GDAP1: variants seen among roughly 807,000 people sequenced by gnomAD.
The protein encoded by GDAP1 is ganglioside induced differentiation associated protein 1.
GDAP1 carries 34 observed loss-of-function variants against 40.1 expected under a neutral mutation model. That is an observed-to-expected ratio of 0.85 (90% CI 0.64 to 1.13). The LOEUF is 1.13. Ranked by LOEUF, GDAP1 falls within the 50% of genes most tolerant of loss-of-function variation. The pLI, the probability that GDAP1 is intolerant of heterozygous loss-of-function variation, is 0.00. For missense variants in GDAP1, 374 were observed against 433.7 expected (o/e 0.86, Z 1.22); for synonymous variants, 170 against 157.4 (o/e 1.08, Z -0.60).
chr8:74,478,021 C>T (rs1806653669), intron 2 of GDAP1, among the ~76,000 whole-genome samples: 1 of 151,386 alleles, frequency 6.6e-6, no homozygotes, highest in African/African-American at 2.4e-5. Flanking sequence ...GAGTCAGTGG[C>T]AGTGACTGTT....
At chr8:74,420,969 C>G (rs1805849998) in intron 2 of GDAP1, among the ~76,000 whole-genome samples, 1 of 152,054 alleles carries the variant, frequency 6.6e-6, no homozygotes, top group African/African-American at 2.4e-5. Flanking sequence ...AAACTCTTCT[C>G]TTTCCTCATC....
chr8:74,478,207 C>T (rs897299703), intron 2 of GDAP1, among the ~76,000 whole-genome samples: 1 of 152,058 alleles, frequency 6.6e-6, no homozygotes, highest in Non-Finnish European at 1.5e-5. Context: ...GGGAGAGGGG[C>T]AGAGTGCCCT....
In GDAP1 at chr8:74,399,035, CT is replaced by C. The variant is rs1341582559; in HGVS notation, c.165+47717del. Among the ~76,000 whole-genome samples, 7 of 151,924 alleles carry C rather than the reference CT, an allele frequency of 4.6e-5. No homozygotes were observed. In the East Asian group the frequency reaches 1.4e-3, roughly 29 times the overall value. ...CTTTTTTGGTTGTGTCTCTGCCCGG[CT>C]TTGGTGTCAGGATGATACTGGCCTC... On this transcript the variant is annotated intron_variant, in intron 2 of 2. Coordinates refer to the GDAP1 transcript ENST00000523640.
At chr8:74,382,640 A>G (rs1398623645) in intron 2 of GDAP1, among the ~76,000 whole-genome samples, 1 of 152,144 alleles carries the variant, frequency 6.6e-6, no homozygotes, top group Non-Finnish European at 1.5e-5. Context: ...TTAAATGATT[A>G]TACTGAATAC....
chr8:74,385,668 A>ATATATAATC (rs1179210182), intron 2 of GDAP1, among the ~76,000 whole-genome samples: 1 of 152,164 alleles, frequency 6.6e-6, no homozygotes, highest in African/African-American at 2.4e-5. Flanking sequence ...TAGTAGAATG[A>ATATATAATC]TATATAATCT....
At chr8:74,437,265 A>G (rs1806104527) in intron 2 of GDAP1, among the ~76,000 whole-genome samples, 1 of 152,194 alleles carries the variant, frequency 6.6e-6, no homozygotes, top group Non-Finnish European at 1.5e-5. Context: ...TAACTCTCCC[A>G]TTATACAGAT....
intron 2 of GDAP1, among the ~76,000 whole-genome samples, chr8:74,437,842 T>C (rs145873945): frequency 1.4e-3 from 214 of 152,324 alleles, no homozygotes; most frequent in African/African-American, 5.1e-3. Context: ...TATACTCGAA[T>C]ATATCTAATC....
intron 2 of GDAP1, among the ~76,000 whole-genome samples, chr8:74,462,800 G>T (rs1388682153): frequency 2.0e-5 from 3 of 151,944 alleles, no homozygotes; most frequent in Non-Finnish European, 4.4e-5. Flanking sequence ...GATTTCAAAA[G>T]ATATGCCAGC....
intron 2 of GDAP1, among the ~76,000 whole-genome samples, chr8:74,438,838 G>A (rs1329981993): frequency 1.3e-5 from 2 of 152,172 alleles, no homozygotes. Flanking sequence ...CTGGCCTCAA[G>A]TAATGCTCTT....
In GDAP1 at chr8:74,406,665, T is replaced by C. The variant is rs1039777949; in HGVS notation, c.165+55344T>C. 2.7e-5 allele frequency among the ~76,000 whole-genome samples: 4 copies of C among 150,206 alleles called. No homozygotes were observed. The South Asian group carries it at 8.3e-4, about 31-fold the overall frequency. ...CTGATGGGGGATATCATGTTGTCTC[T>C]CTCCCACTTATTTTTCTACTTGGTG... On this transcript the variant is annotated intron_variant, in intron 2 of 2. Transcript: ENST00000523640.
chr8:74,381,157 T>A (rs1474112216), intron 2 of GDAP1, among the ~76,000 whole-genome samples: 1 of 152,094 alleles, frequency 6.6e-6, no homozygotes, highest in African/African-American at 2.4e-5. Flanking sequence ...AAATTGTTTA[T>A]TTATATCAAT....
At chr8:74,351,860 A>G (rs575957542) in intron 2 of GDAP1, among the ~76,000 whole-genome samples, 1 of 152,202 alleles carries the variant, frequency 6.6e-6, no homozygotes, top group Non-Finnish European at 1.5e-5. Context: ...AAAAAAGAGC[A>G]ATAAATCTTA....
chr8:74,381,144 A>G (rs1809946620), intron 2 of GDAP1, among the ~76,000 whole-genome samples: 1 of 152,118 alleles, frequency 6.6e-6, no homozygotes, highest in South Asian at 2.1e-4. Flanking sequence ...GTCAAAATTT[A>G]TCAAATTGTT....
At chr8:74,441,709 A>C (rs1806164507) in intron 2 of GDAP1, among the ~76,000 whole-genome samples, 4 of 152,174 alleles carry the variant, frequency 2.6e-5, no homozygotes, top group African/African-American at 9.6e-5. Flanking sequence ...AGTTTTTAGT[A>C]TTTATAACTT....
intron 2 of GDAP1, among the ~76,000 whole-genome samples, chr8:74,476,646 G>A (rs1244655333): frequency 6.6e-6 from 1 of 152,184 alleles, no homozygotes; most frequent in Non-Finnish European, 1.5e-5. Flanking sequence ...TCTGCTGAGA[G>A]GTCTACTGTT....
chr8:74,378,138 T>C (rs1326464379), intron 2 of GDAP1, among the ~76,000 whole-genome samples: 1 of 152,214 alleles, frequency 6.6e-6, no homozygotes, highest in Non-Finnish European at 1.5e-5. Context: ...TTTGGCAAAC[T>C]AATCTCATGT....
intron 2 of GDAP1, among the ~76,000 whole-genome samples, chr8:74,397,076 T>C (rs1810212739): frequency 6.6e-6 from 1 of 152,190 alleles, no homozygotes; most frequent in Non-Finnish European, 1.5e-5. Flanking sequence ...TATCTCATTG[T>C]GGTTTTGATT....
At chr8:74,356,684 GTGTGTGTT>G (rs1277128547) in intron 2 of GDAP1, among the ~76,000 whole-genome samples, 3 of 135,234 alleles carry the variant, frequency 2.2e-5, no homozygotes, top group East Asian at 2.1e-4. Context: ...GTGTGTGTGT[GTGTGTGTT>G]TGTGTGTGTG....
intron 2 of GDAP1, among the ~76,000 whole-genome samples, chr8:74,485,397 G>A (rs1806764157): frequency 6.6e-6 from 1 of 152,096 alleles, no homozygotes; most frequent in South Asian, 2.1e-4. Context: ...CCTTGATTAT[G>A]TCTGATATCT....
Sources: gnomAD v4.1 joint callset for allele counts (sites outside exome capture counted in the v4.1 genomes callset) on GRCh38, gnomAD v4.1.1 for gene constraint, MANE v1.5 for transcripts, NCBI Gene and HGNC (gene_info 2026-07-23, HGNC 2026-07-21) for gene names.